GNRH1: variants seen among roughly 807,000 people sequenced by gnomAD.
GNRH1 encodes the protein progonadoliberin-1.
In GNRH1, 9 loss-of-function variants were observed where a neutral mutation model predicts 13.6. The ratio of observed to expected loss-of-function variants is 0.66; its 90% CI spans 0.40 to 1.15. The LOEUF (loss-of-function observed/expected upper bound fraction) is 1.15. GNRH1 is among the 50% of genes most tolerant of loss of function. GNRH1 has a pLI of 0.01. For synonymous variants in GNRH1, 44 were observed against 40.1 expected (o/e 1.10, Z -0.37); for missense variants, 116 against 110.8 (o/e 1.05, Z -0.21).
At chr8:25,419,592 A>T in intron 3 of GNRH1, 132 bp from the exon 4 acceptor site, 1 of 645,760 alleles carries the variant, frequency 1.5e-6, no homozygotes, top group Non-Finnish European at 2.8e-6. Flanking sequence ...AGTTAGTGCT[A>T]GGGAGACATG....
intron 2 of GNRH1, among the ~76,000 whole-genome samples, chr8:25,421,943 T>C (rs992077387): frequency 5.9e-5 from 9 of 152,052 alleles, no homozygotes; most frequent in African/African-American, 2.2e-4. Context: ...TTGAGCCTCA[T>C]GAGAGTCAGT....
At chr8:25,422,915 T>G (rs538434752) in intron 2 of GNRH1, among the ~76,000 whole-genome samples, 3 of 152,344 alleles carry the variant, frequency 2.0e-5, no homozygotes, top group Admixed American at 1.3e-4. Flanking sequence ...CCATTGTTTC[T>G]AATTCCTTTA....
At chr8:25,419,608 T>C (rs1801746285) in intron 3 of GNRH1, 148 bp from the exon 4 acceptor site, 2 of 628,048 alleles carry the variant, frequency 3.2e-6, no homozygotes, top group Non-Finnish European at 5.7e-6. Context: ...ACATGATAAA[T>C]TGGGTTTGTT....
At position 25,423,298 on chromosome 8, in the gene GNRH1, A is replaced by G; in HGVS notation, c.33T>C (p.Leu11=). The G allele has an allele frequency of 1.2e-6, 2 of 1,612,406 alleles. No individual in the cohort carries two copies. The highest frequency in any genetic ancestry group is 1.7e-6 in the Non-Finnish European group (2 of 1,178,490). The stretch of plus-strand genomic sequence containing the variant: ...CTTCCACGCACCAAGTCAGTAGAAT[A>G]AGGCCAGCTAGGAGTTTTTGAATTG... MKPIQKLLAG[L]ILLTWCVEGC... Residue 11 remains leucine (L), a synonymous_variant, in exon 2 of 4, where the codon CTT becomes CTC. Coordinates refer to ENST00000421054, the MANE Select transcript of GNRH1 (RefSeq NM_001083111.2).
intron 2 of GNRH1, among the ~76,000 whole-genome samples, chr8:25,421,966 A>C (rs190473170): frequency 6.6e-6 from 1 of 151,422 alleles, no homozygotes; most frequent in African/African-American, 2.4e-5. Flanking sequence ...ACCCAAAAAA[A>C]CAAAAAGCAA....
chr8:25,424,393 C>T (rs1306299219), upstream of GNRH1: 1 of 151,076 alleles, frequency 6.6e-6, no homozygotes, highest in Non-Finnish European at 1.5e-5. Flanking sequence ...AAAATCCTCA[C>T]ATAAAGCCCT....
At chr8:25,424,101 C>T (rs1801811401) in intron 1 of GNRH1, 100 bp downstream of exon 1, 1 of 152,286 alleles carries the variant, frequency 6.6e-6, no homozygotes, top group African/African-American at 2.4e-5. Flanking sequence ...ACCGTCACAC[C>T]TGGATTTAGC....
upstream of GNRH1, chr8:25,424,660 G>C (rs1472026805): frequency 6.6e-6 from 1 of 152,222 alleles, no homozygotes; most frequent in Non-Finnish European, 1.5e-5. Context: ...AGGACATTGA[G>C]TCAGGATGTC....
intron 2 of GNRH1, 96 bp from the exon 3 acceptor site, chr8:25,421,764 GGGA>G: frequency 1.7e-6 from 1 of 602,888 alleles, no homozygotes; most frequent in Non-Finnish European, 3.1e-6. Context: ...GGGGTCAAGG[GGGA>G]TGTGGGGCTG....
At chr8:25,424,374 T>C (rs983453129), upstream of GNRH1, 3 of 151,646 alleles carry the variant, frequency 2.0e-5, no homozygotes, top group Non-Finnish European at 2.9e-5. Flanking sequence ...TTTTTAATGG[T>C]AATTTTTAAA....
intron 3 of GNRH1, 114 bp downstream of exon 3, chr8:25,421,459 G>A (rs1214535653): frequency 9.4e-6 from 6 of 635,234 alleles, no homozygotes; most frequent in Non-Finnish European, 1.4e-5. Context: ...TAACAGAGGA[G>A]TCAGGAATGT....
chr8:25,424,502 A>C (rs2117371244), upstream of GNRH1: 1 of 152,310 alleles, frequency 6.6e-6, no homozygotes, highest in Middle Eastern at 3.4e-3. Context: ...AGCTGAGGAC[A>C]CAATTCAAAG....
At chr8:25,423,532 G>A (rs1461661766) in intron 1 of GNRH1, 2 of 604,688 alleles carry the variant, frequency 3.3e-6, no homozygotes, top group East Asian at 2.8e-5. Context: ...GGGACAAAAT[G>A]AGTACTTAAG....
In GNRH1 at chr8:25,421,650, G is replaced by A; in HGVS notation, c.160C>T (p.Gln54Ter). 6.3e-7 allele frequency: 1 copy of A among 1,581,618 alleles called. No homozygotes were observed. Among genetic ancestry groups the A allele is most frequent in the Non-Finnish European group, 8.7e-7 (1 of 1,152,768 alleles). The change falls in exon 3 of 4, where the codon CAA becomes TAA. Residue 54 changes from glutamine to a stop codon, truncating the protein, a stop_gained. Coordinates refer to ENST00000421054, the MANE Select transcript of GNRH1 (RefSeq NM_001083111.2). LOFTEE classifies it high-confidence loss of function. Reference sequence around the variant, plus strand: ...TCGAAGCGTTGGGTTTCTGCCAGTTGACCAACCTCTTTGACTATCTGAAGA... The same window carrying A: ...TCGAAGCGTTGGGTTTCTGCCAGTTAACCAACCTCTTTGACTATCTGAAGA... Reference protein sequence around the residue: ...SFQEIVKEVGQLAETQRFECT... With the variant: ...SFQEIVKEVG
chr8:25,421,517 G>T (rs1055444590), intron 3 of GNRH1, 56 bp downstream of exon 3: 2 of 916,978 alleles, frequency 2.2e-6, no homozygotes, highest in African/African-American at 3.2e-5. Context: ...ATCCCCAAAG[G>T]CTTATCCACC....
intron 2 of GNRH1, among the ~76,000 whole-genome samples, chr8:25,422,791 T>A (rs561440167): frequency 9.2e-5 from 14 of 152,294 alleles, no homozygotes; most frequent in African/African-American, 3.4e-4. Flanking sequence ...AAAAATGTAC[T>A]GATCTAATAG....
In GNRH1 at chr8:25,419,410, C is replaced by A; in HGVS notation, c.*9G>T. On this transcript the variant is annotated 3_prime_UTR_variant, in exon 4 of 4. Coordinates refer to ENST00000421054, the MANE Select transcript of GNRH1 (RefSeq NM_001083111.2). ...GTTAGTAATGGTCATTCCTTCTGGC[C>A]CAATGGATTTAAATCTTCTTCTGCC... 7.0e-7 allele frequency: 1 copy of A among 1,431,728 alleles called. No individual in the cohort carries two copies. Among genetic ancestry groups the A allele is most frequent in the Non-Finnish European group, 9.9e-7 (1 of 1,013,750 alleles). The allele number at this position is 1,431,728 out of a possible 1,614,324, so 88.7% of individuals were successfully genotyped here. A position where few individuals can be genotyped will look rare whatever the true frequency, so the allele number is the denominator to read the frequency against.
chr8:25,423,016 C>T (rs185307842), intron 2 of GNRH1, among the ~76,000 whole-genome samples, 174 bp downstream of exon 2: 26 of 152,242 alleles, frequency 1.7e-4, no homozygotes, highest in African/African-American at 5.5e-4. Flanking sequence ...TTTGTTTAGT[C>T]CCTGTGTGAA....
chr8:25,421,510 C>G lies in GNRH1; in HGVS notation c.237+63G>C, dbSNP rs1448907192. ...TGGGAGGTAGCTGTCCTAAGTGATC[C>G]CCAAAGGCTTATCCACCTCTAGAGC... On this transcript the variant is annotated intron_variant, in intron 3 of 3. Transcript: ENST00000421054. 1.2e-5 allele frequency: 10 copies of G among 863,576 alleles called. No homozygotes were observed. The East Asian group carries it at 2.2e-4, about 19-fold the overall frequency. The allele number at this position is 863,576 out of a possible 1,614,324, so 53.5% of individuals were successfully genotyped here.
Sources: gnomAD v4.1 joint callset for allele counts (sites outside exome capture counted in the v4.1 genomes callset) on GRCh38, gnomAD v4.1.1 for gene constraint, MANE v1.5 for transcripts, NCBI Gene and HGNC (gene_info 2026-07-23, HGNC 2026-07-21) for gene names.